PROM1: variants seen among roughly 807,000 people sequenced by gnomAD.
PROM1 encodes the protein prominin-1.
Under a neutral mutation model 116.9 loss-of-function variants are expected in PROM1, and 105 were observed. The observed-to-expected ratio is 0.90, with a 90% CI of 0.77 to 1.06. PROM1 has a LOEUF of 1.06. Ranked by LOEUF, PROM1 falls within the 50% of genes least tolerant of loss-of-function variation. PROM1 has a pLI of 0.00. For synonymous variants in PROM1, 393 were observed against 387.0 expected, an observed-to-expected ratio of 1.02 and a Z score of -0.18; for missense variants, 1,122 against 1,045.2, an observed-to-expected ratio of 1.07 and a Z score of -1.01.
chr4:16,025,687 G>A (rs1290618513), intron 5 of PROM1, among the ~76,000 whole-genome samples: 1 of 151,094 alleles, frequency 6.6e-6, no homozygotes, highest in African/African-American at 2.5e-5. Flanking sequence ...CCTCCTGTGT[G>A]AACATATGCA....
rs570880465 is a variant in PROM1, at chr4:16,062,989, T to C, written c.220+12698A>G. On this transcript the variant is annotated intron_variant, in intron 2 of 27. Coordinates refer to ENST00000447510, the MANE Select transcript of PROM1 (RefSeq NM_006017.3). Reference sequence around the variant, plus strand: ...TTGAAAGAATTGGGCCCATTATGAATGAATAAATCTAGACAGTGATCATCA... The same window carrying C: ...TTGAAAGAATTGGGCCCATTATGAACGAATAAATCTAGACAGTGATCATCA... Among the ~76,000 whole-genome samples the C allele has an allele frequency of 5.9e-5, 9 of 152,282 alleles. No homozygotes were observed. In the South Asian group the frequency reaches 1.5e-3, roughly 25 times the overall value.
chr4:16,013,321 A>G lies in PROM1; in HGVS notation c.1095T>C (p.Asn365=). The change falls in exon 11 of 28, where the codon AAT becomes AAC. Residue 365 remains asparagine, a synonymous_variant. Transcript: ENST00000447510. Reference sequence around the variant, plus strand: ...GGCGTTGTACTCTGTCAGGTATATCATTAAGGGATTGATAGCCCTGAAAAA... The same window carrying G: ...GGCGTTGTACTCTGTCAGGTATATCGTTAAGGGATTGATAGCCCTGAAAAA... ...GLVQQGYQSL[N]DIPDRVQRQT... is the part of the protein sequence containing the mutation. 6.2e-7 allele frequency: 1 copy of G among 1,605,308 alleles called. No individual in the cohort carries two copies. The highest frequency in any genetic ancestry group is 8.5e-7 in the Non-Finnish European group (1 of 1,171,958).
chr4:15,983,258 C>T (rs558093295), intron 23 of PROM1, among the ~76,000 whole-genome samples: 3 of 151,804 alleles, frequency 2.0e-5, no homozygotes, highest in Admixed American at 6.5e-5. Context: ...GAAGGCGGAA[C>T]AACAATAGTA....
At chr4:16,042,668 T>A (rs1735606312) in intron 2 of PROM1, among the ~76,000 whole-genome samples, 1 of 152,180 alleles carries the variant, frequency 6.6e-6, no homozygotes, top group South Asian at 2.1e-4. Flanking sequence ...AAAAAATTAA[T>A]TCACATGGTT....
At chr4:15,989,436 T>C (rs989752498) in intron 19 of PROM1, among the ~76,000 whole-genome samples, 9 of 152,128 alleles carry the variant, frequency 5.9e-5, no homozygotes, top group Non-Finnish European at 1.5e-5. Context: ...CACAGCATTG[T>C]AGCTAAATGC....
rs916006786 is a variant in PROM1 at position 15,995,371 on chromosome 4, GAAGAAGAAA to G, written c.1683-1309_1683-1301del. Among the ~76,000 whole-genome samples the G allele has an allele frequency of 1.4e-3, 214 of 151,814 alleles. 1 individual carries two copies. The highest frequency in any genetic ancestry group is 4.1e-4 in the African/African-American group (17 of 41,392). On this transcript the variant is annotated intron_variant, in intron 15 of 27. Coordinates refer to ENST00000447510, the MANE Select transcript of PROM1 (RefSeq NM_006017.3). ...AGAAGAAGGAGGAGGAGGAGGAAAA[GAAGAAGAAA>G]AAGAAGAAAAAGGAGGAGGAGGAGG...
At chr4:16,016,344 C>T in intron 9 of PROM1, 104 bp from the exon 10 acceptor site, 1 of 878,718 alleles carries the variant, frequency 1.1e-6, no homozygotes, top group Non-Finnish European at 1.8e-6. Context: ...AGCATCTATA[C>T]TACAGGGTAC....
chr4:15,970,751 G>A (rs1344684652), intron 27 of PROM1, among the ~76,000 whole-genome samples: 3 of 151,974 alleles, frequency 2.0e-5, no homozygotes, highest in Non-Finnish European at 4.4e-5. Context: ...CAATGTAAGT[G>A]TTATGTAAGT....
rs1370839245 is a variant in PROM1 at position 16,000,632 on chromosome 4, A to G, written c.1455-13T>C. 2.6e-6 allele frequency: 4 copies of G among 1,536,808 alleles called. No homozygotes were observed. The South Asian group carries it at 3.5e-5, about 13-fold the overall frequency. ...TAATCCAACTCCACTGGAAAAAAAT[A>G]TAAAGTTAGTAATTCAACAAAGAAT... is the stretch of plus-strand genomic sequence containing the variant. On this transcript the variant is annotated splice_polypyrimidine_tract_variant and intron_variant, in intron 13 of 27. Coordinates refer to ENST00000447510, the MANE Select transcript of PROM1 (RefSeq NM_006017.3).
Position 15,979,446 on chromosome 4 carries a change from T to C in PROM1, c.2531A>G (p.Asn844Ser). 11 of 1,611,256 alleles carry C rather than the reference T, an allele frequency of 6.8e-6. No individual in the cohort carries two copies. The highest frequency in any genetic ancestry group is 9.3e-6 in the Non-Finnish European group (11 of 1,178,612). ...ATATACATGATCTTTATGATAACCA[T>C]TATTACCATTTTCCATACTGTAACA... is the stretch of plus-strand genomic sequence containing the variant. The part of the protein sequence containing the change: ...IPMKNMENGN[N>S]GYHKDHVYGI... The change falls in exon 26 of 28, where the codon AAT becomes AGT. Residue 844 changes from asparagine (N) to serine (S), a missense_variant. Asn to Ser is a conservative substitution (Grantham distance 46, BLOSUM62 1). Transcript: ENST00000447510.
chr4:16,079,092 T>C (rs1394731855), intron 1 of PROM1, among the ~76,000 whole-genome samples: 1 of 32,432 alleles, frequency 3.1e-5, no homozygotes, highest in African/African-American at 2.4e-4. Flanking sequence ...TATCTTGGTT[T>C]TTTTTTTTGC....
At chr4:16,017,109 G>C (rs1728586097) in intron 9 of PROM1, among the ~76,000 whole-genome samples, 1 of 152,134 alleles carries the variant, frequency 6.6e-6, no homozygotes, top group Non-Finnish European at 1.5e-5. Flanking sequence ...GGGTAAAAAG[G>C]CATGATGATG....
In PROM1 at chr4:16,057,963, C is replaced by T. The variant is rs139608305; in HGVS notation, c.220+17724G>A. On this transcript the variant is annotated intron_variant, in intron 2 of 27. Coordinates refer to ENST00000447510, the MANE Select transcript of PROM1 (RefSeq NM_006017.3). ...GTACAGCAGAGTCCTATACCTGTGG[C>T]GAAGGGTGATTCACTGTTTCAAAAC... is the stretch of plus-strand genomic sequence containing the variant. Among the ~76,000 whole-genome samples, 485 of 152,182 alleles carry T rather than the reference C, an allele frequency of 3.2e-3. 2 individuals carry two copies. Among genetic ancestry groups the T allele is most frequent in the African/African-American group, 0.011 (460 of 41,516 alleles).
intron 26 of PROM1, among the ~76,000 whole-genome samples, chr4:15,978,425 C>T (rs776314817): frequency 2.0e-5 from 3 of 152,170 alleles, no homozygotes; most frequent in Non-Finnish European, 2.9e-5. Flanking sequence ...TCAACTGTTA[C>T]TAGGTAATAT....
rs182867267 is a variant in PROM1 at position 15,999,303 on chromosome 4, C to G, written c.1579-815G>C. Among the ~76,000 whole-genome samples the G allele has an allele frequency of 8.9e-3, 1,346 of 152,014 alleles. 8 individuals are homozygous for G. The highest frequency in any genetic ancestry group is 0.013 in the Non-Finnish European group (887 of 67,986). On this transcript the variant is annotated intron_variant, in intron 14 of 27. Transcript: ENST00000447510. ...TGGCTAACGTGGTGAAACCCCGTCT[C>G]TACTAAAAATACAAAAAATTAGCCG...
intron 8 of PROM1, among the ~76,000 whole-genome samples, chr4:16,021,798 T>C (rs1025372253): frequency 6.6e-6 from 1 of 152,156 alleles, no homozygotes; most frequent in African/African-American, 2.4e-5. Context: ...GGGCTCTTGC[T>C]AGAACGGGGT....
At chr4:16,074,442 A>T (rs1321655029) in intron 2 of PROM1, among the ~76,000 whole-genome samples, 3 of 152,210 alleles carry the variant, frequency 2.0e-5, no homozygotes, top group Non-Finnish European at 4.4e-5. Context: ...AAGCCAAGAG[A>T]TGTCTATTCA....
chr4:16,049,447 T>C (rs1407941846), intron 2 of PROM1, among the ~76,000 whole-genome samples: 1 of 152,222 alleles, frequency 6.6e-6, no homozygotes, highest in African/African-American at 2.4e-5. Context: ...CACGTAAATT[T>C]GTTTTAATTA....
At position 16,013,946 on chromosome 4, in the gene PROM1, GAA is replaced by G. The variant is rs34054630; in HGVS notation, c.1078-610_1078-609del. On this transcript the variant is annotated intron_variant, in intron 10 of 27. Transcript: ENST00000447510. ...ATAAAATTAGAAATATAGTCTAAAC[GAA>G]AAAAAAAAATGTCCTAAAGCATGGC... Among the ~76,000 whole-genome samples, 206 of 150,432 alleles carry G rather than the reference GAA, an allele frequency of 1.4e-3. 1 individual carries two copies. The highest frequency in any genetic ancestry group is 4.9e-3 in the Admixed American group (74 of 15,142).
Sources: gnomAD v4.1 joint callset for allele counts (sites outside exome capture counted in the v4.1 genomes callset) on GRCh38, gnomAD v4.1.1 for gene constraint, MANE v1.5 for transcripts, NCBI Gene and HGNC (gene_info 2026-07-23, HGNC 2026-07-21) for gene names.